The following TOPAZ1 variants were observed in gnomAD, a reference collection of about 807,000 sequenced individuals.
The protein encoded by TOPAZ1 is protein TOPAZ1.
Under a neutral mutation model 172.2 loss-of-function variants are expected in TOPAZ1, and 66 were observed. That is an observed-to-expected ratio of 0.38 (90% confidence interval 0.31 to 0.47). The LOEUF is 0.47. TOPAZ1 is among the 20% of genes least tolerant of loss of function. The probability of loss-of-function intolerance (pLI) is 0.99; values close to 1 mark genes in which losing one functional copy is unlikely to be tolerated. For synonymous variants in TOPAZ1, 681 were observed against 683.9 expected, an observed-to-expected ratio of 1.00 and a Z score of 0.07; for missense variants, 1,822 against 1,972.4, an observed-to-expected ratio of 0.92 and a Z score of 1.44.
intron 8 of TOPAZ1, among the ~76,000 whole-genome samples, chr3:44,277,848 C>A (rs553269343): frequency 6.6e-6 from 1 of 152,204 alleles, no homozygotes; most frequent in Non-Finnish European, 1.5e-5. Context: ...CCTGCTCCAC[C>A]TTCACCTTCT....
intron 16 of TOPAZ1, among the ~76,000 whole-genome samples, chr3:44,319,510 A>G (rs1700486982): frequency 6.6e-6 from 1 of 152,208 alleles, no homozygotes; most frequent in African/African-American, 2.4e-5. Context: ...AACTTATTCA[A>G]TCAAAGTAAA....
chr3:44,244,343 A>G lies in TOPAZ1; in HGVS notation c.1837A>G (p.Thr613Ala). 1.9e-6 allele frequency: 3 copies of G among 1,550,842 alleles called. No homozygotes were observed. Among genetic ancestry groups the G allele is most frequent in the South Asian group, 1.2e-5 (1 of 83,830 alleles). ...RRGSEVISNT[T>A]EDTQLTSETQ... ...AGGGTCAGAGGTAATTTCTAACACT[A>G]CTGAAGATACTCAATTAACCAGTGA... Residue 613 changes from threonine to alanine, a missense_variant, in exon 2 of 20, where the codon ACT (threonine) becomes GCT (alanine). Thr to Ala is a moderately conservative substitution (Grantham distance 58). Coordinates refer to ENST00000309765, the MANE Select transcript of TOPAZ1 (RefSeq NM_001145030.2).
chr3:44,326,844 C>T (rs1559550291), intron 18 of TOPAZ1, among the ~76,000 whole-genome samples: 1 of 151,726 alleles, frequency 6.6e-6, no homozygotes, highest in Non-Finnish European at 1.5e-5. Flanking sequence ...TTTCTTCTCA[C>T]GTTTCATTTT....
chr3:44,286,517 A>C (rs1037264081), intron 9 of TOPAZ1, among the ~76,000 whole-genome samples: 1 of 152,236 alleles, frequency 6.6e-6, no homozygotes, highest in African/African-American at 2.4e-5. Context: ...CCATATTATT[A>C]AAGTTTTAAA....
In TOPAZ1 at chr3:44,243,225, A is replaced by G; in HGVS notation, c.719A>G (p.Asp240Gly). The change falls in exon 2 of 20, where the codon GAT becomes GGT. Residue 240 changes from aspartate to glycine, a missense_variant. Asp to Gly is a moderately conservative substitution (Grantham distance 94). Around this residue, in one of 2 missense-constraint regions of TOPAZ1, gnomAD observed 1,489 missense variants for 1,490.8 expected, o/e 1.00. Coordinates refer to ENST00000309765, the MANE Select transcript of TOPAZ1 (RefSeq NM_001145030.2). ...TTCCCCCATTCCAAGGGTTGTAATG[A>G]TGAAAACAACCTGCCATATAAACCT... ...NCFPHSKGCNDENNLPYKPDG... is the reference protein window; with the variant it reads ...NCFPHSKGCNGENNLPYKPDG... 1.9e-6 allele frequency: 3 copies of G among 1,549,968 alleles called. No individual in the cohort carries two copies. The highest frequency in any genetic ancestry group is 2.6e-6 in the Non-Finnish European group (3 of 1,146,568).
intron 8 of TOPAZ1, among the ~76,000 whole-genome samples, chr3:44,277,021 G>C (rs971009847): frequency 2.0e-5 from 3 of 152,082 alleles, no homozygotes; most frequent in African/African-American, 7.2e-5. Context: ...TCGCTCTCCT[G>C]ACTTCATGAT....
chr3:44,331,960 A>G lies in TOPAZ1; in HGVS notation c.5028A>G (p.Leu1676=), dbSNP rs1700675455. ...SLEHCSALKW[L]KENMKWAGKV... ...AACATTGTTCTGCCCTGAAATGGTT[A>G]AAAGAGAATATGAAGTGGGCTGGAA... Residue 1676 remains leucine, a synonymous_variant, in exon 20 of 20, where the codon TTA becomes TTG. Transcript: ENST00000309765. The G allele has an allele frequency of 6.4e-7, 1 of 1,551,258 alleles. No individual in the cohort carries two copies. The highest frequency in any genetic ancestry group is 8.7e-7 in the Non-Finnish European group (1 of 1,146,978).
At position 44,243,412 on chromosome 3, in the gene TOPAZ1, A is replaced by C. The variant is rs985217266; in HGVS notation, c.906A>C (p.Gln302His). Residue 302 changes from glutamine to histidine, a missense_variant, in exon 2 of 20, where the codon CAA becomes CAC. Transcript: ENST00000309765. ...TACCAGAAGAGAGTGATTTATACCAAAGTAAAACCAATGGCTTGCTTTCCT... is the reference window on the plus strand; with the variant it reads ...TACCAGAAGAGAGTGATTTATACCACAGTAAAACCAATGGCTTGCTTTCCT... The part of the protein sequence containing the change: ...KLLPEESDLY[Q>H]SKTNGLLSCL... 2.5e-5 allele frequency: 39 copies of C among 1,551,428 alleles called. No individual in the cohort carries two copies. Among genetic ancestry groups the C allele is most frequent in the Non-Finnish European group, 3.4e-5 (39 of 1,146,906 alleles).
At chr3:44,277,490 G>T (rs909373109) in intron 8 of TOPAZ1, among the ~76,000 whole-genome samples, 9 of 152,120 alleles carry the variant, frequency 5.9e-5, no homozygotes, top group African/African-American at 2.2e-4. Context: ...TCTTTCTCTT[G>T]CCTGCTTGCT....
chr3:44,265,359 C>T lies in TOPAZ1; in HGVS notation c.3021-1638C>T, dbSNP rs200561914. Among the ~76,000 whole-genome samples the T allele has an allele frequency of 3.3e-5, 5 of 152,210 alleles. No homozygotes were observed. In the East Asian group the frequency reaches 9.7e-4, roughly 29 times the overall value. On this transcript the variant is annotated intron_variant, in intron 5 of 19. Transcript: ENST00000309765. ...GGTGGATCACAAGGTCAGGAGTTCA[C>T]CAGCATGGCCAAGATGGTGAAACCC...
chr3:44,285,482 A>C (rs1263508656), intron 9 of TOPAZ1, among the ~76,000 whole-genome samples: 1 of 152,076 alleles, frequency 6.6e-6, no homozygotes, highest in African/African-American at 2.4e-5. Context: ...TAAATAAATA[A>C]AATAAAAGAC....
At position 44,245,004 on chromosome 3, in the gene TOPAZ1, C is replaced by T; in HGVS notation, c.2498C>T (p.Ser833Phe). The change falls in exon 2 of 20, where the codon TCC (serine) becomes TTC (phenylalanine). Residue 833 changes from serine to phenylalanine, a missense_variant. Coordinates refer to ENST00000309765, the MANE Select transcript of TOPAZ1 (RefSeq NM_001145030.2). ...CNEQETFRPVSSEVRGRKITK... is the reference protein window; with the variant it reads ...CNEQETFRPVFSEVRGRKITK... ...GAACAAGAAACATTCCGACCAGTGT[C>T]CAGTGAAGTTAGGGGTAGAAAAATA... 1 of 1,551,638 alleles carries T rather than the reference C, an allele frequency of 6.4e-7. No homozygotes were observed. Among genetic ancestry groups the T allele is most frequent in the Non-Finnish European group, 8.7e-7 (1 of 1,146,994 alleles).
At chr3:44,264,179 T>C (rs6806839) in intron 5 of TOPAZ1, among the ~76,000 whole-genome samples, 200 of 152,316 alleles carry the variant, frequency 1.3e-3, no homozygotes, top group South Asian at 2.7e-3. Flanking sequence ...CATTCCTTCC[T>C]CTACTCCAAC....
At chr3:44,335,798 C>G (rs2125709715), downstream of TOPAZ1, among the ~76,000 whole-genome samples, 1 of 152,276 alleles carries the variant, frequency 6.6e-6, no homozygotes, top group African/African-American at 2.4e-5. Context: ...TGCTTCATCT[C>G]ATTAGTCCAG....
In TOPAZ1 at chr3:44,269,471, C is replaced by CTTTTTTTTTTT. The variant is rs71085612; in HGVS notation, c.3246+191_3246+201dup. On this transcript the variant is annotated intron_variant, in intron 7 of 19. Transcript: ENST00000309765. ...CCTTTTGATTGTATTTCCCTATCAT[C>CTTTTTTTTTTT]TTTTTTTTTTTTTTTTTTTTTTTTT... Among the ~76,000 whole-genome samples, 167 of 33,932 alleles carry CTTTTTTTTTTT rather than the reference C, an allele frequency of 4.9e-3. 23 individuals are homozygous for CTTTTTTTTTTT. Among genetic ancestry groups the CTTTTTTTTTTT allele is most frequent in the African/African-American group, 6.5e-3 (40 of 6,122 alleles). The allele number at this position is 33,932 out of a possible 152,430, so 22.3% of individuals were successfully genotyped here.
intron 12 of TOPAZ1, among the ~76,000 whole-genome samples, chr3:44,302,138 T>A (rs2125698702): frequency 6.6e-6 from 1 of 152,234 alleles, no homozygotes; most frequent in South Asian, 2.1e-4. Flanking sequence ...TGGCTGGGCG[T>A]GGTGGCTCAC....
chr3:44,250,100 T>G (rs981212896), intron 2 of TOPAZ1, among the ~76,000 whole-genome samples: 1 of 152,186 alleles, frequency 6.6e-6, no homozygotes, highest in African/African-American at 2.4e-5. Context: ...ATTAGACCCA[T>G]GCATAGACTG....
chr3:44,312,728 G>A (rs1559546417), intron 16 of TOPAZ1, among the ~76,000 whole-genome samples: 1 of 152,122 alleles, frequency 6.6e-6, no homozygotes, highest in South Asian at 2.1e-4. Context: ...ATGGTTTTAA[G>A]ACTATCATTT....
At chr3:44,254,839 G>A (rs948085629) in intron 2 of TOPAZ1, 129 bp from the exon 3 acceptor site, 23 of 568,552 alleles carry the variant, frequency 4.0e-5, no homozygotes, top group Non-Finnish European at 6.4e-5. Flanking sequence ...ATTATAGTAA[G>A]TACTCTGCCC....
Sources: gnomAD v4.1 joint callset for allele counts (sites outside exome capture counted in the v4.1 genomes callset) on GRCh38, gnomAD v4.1.1 for gene constraint, gnomAD v4.1.1 regional missense constraint, MANE v1.5 for transcripts, NCBI Gene and HGNC (gene_info 2026-07-23, HGNC 2026-07-21) for gene names.